Variants in AFDN observed in about 807,000 individuals in gnomAD.
AFDN encodes the protein afadin.
In AFDN, 68 loss-of-function variants were observed where a neutral mutation model predicts 216.6. That is an observed-to-expected ratio of 0.31 (90% CI 0.26 to 0.38). The LOEUF is 0.38. Among genes scored for constraint, AFDN ranks in the 10% least tolerant of loss-of-function variants. AFDN has a pLI of 1.00. For missense variants in AFDN, 2,136 were observed against 2,342.0 expected (o/e 0.91, Z 1.82); for synonymous variants, 868 against 853.7 (o/e 1.02, Z -0.29).
intron 30 of AFDN, 92 bp downstream of exon 30, chr6:167,952,279 G>A (rs756793288): frequency 8.8e-6 from 14 of 1,596,752 alleles, no homozygotes; most frequent in Non-Finnish European, 1.2e-5. Flanking sequence ...CCCTGATCGT[G>A]ATAAGGATTA....
chr6:167,870,550 T>C (rs1784680102), intron 3 of AFDN, 52 bp downstream of exon 3: 10 of 1,091,764 alleles, frequency 9.2e-6, no homozygotes, highest in Middle Eastern at 2.0e-4. Context: ...CAGGTCTGAC[T>C]GATAAACAGG....
intron 2 of AFDN, among the ~76,000 whole-genome samples, chr6:167,866,654 C>A (rs1784221149): frequency 6.6e-6 from 1 of 152,134 alleles, no homozygotes; most frequent in South Asian, 2.1e-4. Flanking sequence ...CTCCTCAGAC[C>A]CTGGGAGCCC....
At chr6:167,914,568 G>T (rs1418764963) in intron 17 of AFDN, 76 bp from the exon 18 acceptor site, 1 of 1,120,090 alleles carries the variant, frequency 8.9e-7, no homozygotes. Flanking sequence ...AGTCCAGATT[G>T]TTTCCCATGT....
At chr6:167,849,395 G>A (rs990370734) in intron 1 of AFDN, among the ~76,000 whole-genome samples, 9 of 151,972 alleles carry the variant, frequency 5.9e-5, no homozygotes, top group East Asian at 3.9e-4. Flanking sequence ...GTTTGTTGCC[G>A]TTTCTTATTT....
intron 15 of AFDN, 191 bp downstream of exon 15, chr6:167,911,680 T>G: frequency 1.7e-6 from 1 of 592,618 alleles, no homozygotes; most frequent in East Asian, 2.9e-5. Flanking sequence ...TTCTATTTTG[T>G]TTTCCCTGTA....
intron 6 of AFDN, among the ~76,000 whole-genome samples, chr6:167,885,000 G>A (rs1329042433): frequency 1.3e-5 from 2 of 152,152 alleles, no homozygotes; most frequent in Admixed American, 6.5e-5. Context: ...TTCTCCATTA[G>A]CTGCTTCACC....
In AFDN at chr6:167,951,327, A is replaced by T; in HGVS notation, c.3973A>T (p.Ser1325Cys). 1 of 1,614,166 alleles carries T rather than the reference A, an allele frequency of 6.2e-7. No homozygotes were observed. The highest frequency in any genetic ancestry group is 8.5e-7 in the Non-Finnish European group (1 of 1,180,030). ...QSSSLDSSTS[S>C]QEHLNHSSKS... ...CTCCTCACTGGACTCCAGTACCTCT[A>T]GCCAGGAGCATCTGAACCATTCCTC... The change falls in exon 30 of 34, where the codon AGC (serine) becomes TGC (cysteine). Residue 1325 changes from serine (S) to cysteine (C), a missense_variant. This residue lies in a region of AFDN where 981 missense variants were observed against 966.0 expected (regional missense o/e 1.02). Transcript: ENST00000683244. The surrounding 1 kb of genome is among the most constrained non-coding windows in gnomAD (Gnocchi z 7.1).
At chr6:167,933,861 C>G (rs1452758399) in intron 23 of AFDN, among the ~76,000 whole-genome samples, 2 of 152,128 alleles carry the variant, frequency 1.3e-5, no homozygotes, top group African/African-American at 2.4e-5. Context: ...GTAGAGTTTA[C>G]CTGGATGTAG....
intron 23 of AFDN, among the ~76,000 whole-genome samples, chr6:167,929,689 C>T (rs966626376): frequency 2.6e-5 from 4 of 152,176 alleles, no homozygotes; most frequent in African/African-American, 4.8e-5. Context: ...AGGAGTCAGA[C>T]GGGAAGAGGT....
Position 167,915,449 on chromosome 6 carries a change from A to G in AFDN, c.2565+16A>G. ...GATCGTGCAGGTGATTGCTGGTGCC[A>G]CTCCCCAGCTCATGTGCTTTATGAT... On this transcript the variant is annotated intron_variant, in intron 19 of 33. Coordinates refer to ENST00000683244, the MANE Select transcript of AFDN (RefSeq NM_001386888.1). 1.3e-6 allele frequency: 2 copies of G among 1,594,484 alleles called. No homozygotes were observed. Among genetic ancestry groups the G allele is most frequent in the Non-Finnish European group, 1.7e-6 (2 of 1,168,290 alleles).
chr6:167,941,813 A>G (rs1377672140), intron 23 of AFDN, among the ~76,000 whole-genome samples: 1 of 152,048 alleles, frequency 6.6e-6, no homozygotes, highest in Non-Finnish European at 1.5e-5. Context: ...GTGTGGACAG[A>G]CACAGAGGGA....
intron 23 of AFDN, among the ~76,000 whole-genome samples, chr6:167,930,708 C>A (rs1231461909): frequency 6.6e-6 from 1 of 152,190 alleles, no homozygotes; most frequent in Non-Finnish European, 1.5e-5. Context: ...CTGAGTAGTT[C>A]TGCTATCATG....
intron 5 of AFDN, among the ~76,000 whole-genome samples, chr6:167,877,680 G>GA (rs1376827820): frequency 6.6e-6 from 1 of 152,126 alleles, no homozygotes; most frequent in Non-Finnish European, 1.5e-5. Flanking sequence ...AACTTCCTCT[G>GA]AAAAAATATA....
At position 167,971,136 on chromosome 6, in the gene AFDN, T is replaced by TTGG. The variant is rs1554244155; in HGVS notation, c.*1201_*1202insTGG. 9.0e-6 allele frequency: 2 copies of TTGG among 222,256 alleles called. No individual in the cohort carries two copies. The highest frequency in any genetic ancestry group is 1.8e-5 in the Non-Finnish European group (2 of 111,206). 13.8% of individuals were successfully genotyped at this position (222,256 alleles called of 1,614,324 possible). On this transcript the variant is annotated 3_prime_UTR_variant, in exon 34 of 34. Coordinates refer to ENST00000683244, the MANE Select transcript of AFDN (RefSeq NM_001386888.1). ...TTAAGATGATAAATTACTTTGTGATTACAAGCAAATTTTCTATTTGACAAA... is the reference window on the plus strand; with the variant it reads ...TTAAGATGATAAATTACTTTGTGATTTGGACAAGCAAATTTTCTATTTGACAAA...
At chr6:167,959,161 A>G (rs558354886) in intron 30 of AFDN, among the ~76,000 whole-genome samples, 8 of 152,326 alleles carry the variant, frequency 5.3e-5, no homozygotes, top group East Asian at 1.9e-4. Flanking sequence ...TCTCTGCCAC[A>G]AGGGCGTTTC....
At chr6:167,948,241 TAGTC>T in intron 28 of AFDN, 48 bp from the exon 29 acceptor site, 10 of 1,450,382 alleles carry the variant, frequency 6.9e-6, no homozygotes, top group Middle Eastern at 1.8e-4. Flanking sequence ...AAAATCAAGT[TAGTC>T]TGTATGGTTG....
intron 32 of AFDN, among the ~76,000 whole-genome samples, chr6:167,966,970 C>T (rs1294117204): frequency 2.0e-5 from 3 of 152,242 alleles, no homozygotes; most frequent in Admixed American, 2.0e-4. Flanking sequence ...AGCAGGCGTG[C>T]AGCTGCCGTT....
At chr6:167,886,781 C>CT (rs1215930537) in intron 6 of AFDN, among the ~76,000 whole-genome samples, 1 of 152,042 alleles carries the variant, frequency 6.6e-6, no homozygotes, top group African/African-American at 2.4e-5. Flanking sequence ...ACGCCTGATG[C>CT]TTTCTGAGCT....
At chr6:167,891,414 T>G (rs1310952064) in intron 8 of AFDN, among the ~76,000 whole-genome samples, 2 of 123,562 alleles carry the variant, frequency 1.6e-5, no homozygotes, top group South Asian at 4.7e-4. Flanking sequence ...GGTGGGTGTG[T>G]GTGTGTGTGT....
Sources: gnomAD v4.1 joint callset for allele counts (sites outside exome capture counted in the v4.1 genomes callset) on GRCh38, gnomAD v4.1.1 for gene constraint, gnomAD v4.1.1 regional missense constraint, Gnocchi (gnomAD v3.1) non-coding constraint, MANE v1.5 for transcripts, NCBI Gene and HGNC (gene_info 2026-07-23, HGNC 2026-07-21) for gene names.